Variants in ZFYVE9 observed in about 807,000 individuals in gnomAD.
ZFYVE9 encodes the protein zinc finger FYVE domain-containing protein 9.
A neutral mutation model predicts 126.7 loss-of-function variants in ZFYVE9; 43 were observed. The observed-to-expected ratio is 0.34, with a 90% CI of 0.27 to 0.44. ZFYVE9 has a LOEUF of 0.44. ZFYVE9 is among the 20% of genes least tolerant of loss of function. The pLI is 1.00. For synonymous variants in ZFYVE9, 521 were observed against 597.4 expected, an observed-to-expected ratio of 0.87 and a Z score of 1.87; for missense variants, 1,476 against 1,697.0, an observed-to-expected ratio of 0.87 and a Z score of 2.29.
At chr1:52,155,320 G>A (rs553365159) in intron 1 of ZFYVE9, among the ~76,000 whole-genome samples, 66 of 145,128 alleles carry the variant, frequency 4.5e-4, no homozygotes, top group African/African-American at 1.4e-3. Context: ...TGCAGGCTCC[G>A]CCCCCCGGGG....
intron 1 of ZFYVE9, among the ~76,000 whole-genome samples, chr1:52,181,966 G>A (rs1006324318): frequency 6.6e-6 from 1 of 150,578 alleles, no homozygotes; most frequent in South Asian, 2.1e-4. Flanking sequence ...GTCAGCCACC[G>A]CCAGGCCAGC....
At chr1:52,261,853 G>C (rs968842349) in intron 4 of ZFYVE9, among the ~76,000 whole-genome samples, 4 of 152,070 alleles carry the variant, frequency 2.6e-5, no homozygotes, top group African/African-American at 9.7e-5. Context: ...GACTGGATGT[G>C]GTCATGGCGA....
At chr1:52,264,638 A>G (rs1409247129) in intron 5 of ZFYVE9, among the ~76,000 whole-genome samples, 2 of 152,250 alleles carry the variant, frequency 1.3e-5, no homozygotes, top group Non-Finnish European at 2.9e-5. Flanking sequence ...ACTAATAGAC[A>G]TAAAATGTTG....
intron 1 of ZFYVE9, among the ~76,000 whole-genome samples, chr1:52,183,974 G>A (rs769642920): frequency 2.0e-5 from 3 of 150,718 alleles, no homozygotes; most frequent in Non-Finnish European, 4.4e-5. Flanking sequence ...GATTACAGGC[G>A]TGAGCCACCG....
chr1:52,338,992 A>G, intron 16 of ZFYVE9, among the ~76,000 whole-genome samples: 1 of 152,214 alleles, frequency 6.6e-6, no homozygotes. Context: ...CCTGGACAAC[A>G]AGAGCGAAAC....
At chr1:52,235,472 T>C (rs569868169) in intron 3 of ZFYVE9, among the ~76,000 whole-genome samples, 3 of 152,286 alleles carry the variant, frequency 2.0e-5, no homozygotes, top group South Asian at 4.1e-4. Context: ...ATTGGAAATA[T>C]GACTTATTTG....
chr1:52,332,607 A>G (rs557164900), intron 13 of ZFYVE9, among the ~76,000 whole-genome samples, 161 bp from the exon 14 acceptor site: 1 of 152,320 alleles, frequency 6.6e-6, no homozygotes, highest in Admixed American at 6.5e-5. Context: ...TTGATTTGTT[A>G]ATGGTGACAT....
intron 1 of ZFYVE9, among the ~76,000 whole-genome samples, chr1:52,173,708 A>G (rs1345459530): frequency 1.3e-5 from 2 of 152,032 alleles, no homozygotes; most frequent in Admixed American, 6.6e-5. Context: ...CAGAGATTCA[A>G]CTTCTTCCTG....
Position 52,142,705 on chromosome 1 carries a change from G to A in ZFYVE9, c.-143+302G>A, listed in dbSNP as rs1644271198. Among the ~76,000 whole-genome samples, 1 of 152,156 alleles carries A rather than the reference G, an allele frequency of 6.6e-6. No homozygotes were observed. The highest frequency in any genetic ancestry group is 1.5e-5 in the Non-Finnish European group (1 of 67,996). Reference sequence around the variant, plus strand: ...GCCTTTCGGGTTTGCATGGGCCCGGGCCGAGCGCAGCCTCTTAGCCCGGGC... The same window carrying A: ...GCCTTTCGGGTTTGCATGGGCCCGGACCGAGCGCAGCCTCTTAGCCCGGGC... On this transcript the variant is annotated intron_variant, in intron 1 of 18. Coordinates refer to ENST00000287727, the MANE Select transcript of ZFYVE9 (RefSeq NM_004799.4). This position sits in a 1 kb window ranked among gnomAD's most constrained non-coding sequence, Gnocchi z 4.5.
intron 1 of ZFYVE9, among the ~76,000 whole-genome samples, chr1:52,197,305 G>C (rs1317292713): frequency 6.6e-6 from 1 of 152,118 alleles, no homozygotes; most frequent in African/African-American, 2.4e-5. Flanking sequence ...AGAGAATAGA[G>C]AAGAAAACAT....
chr1:52,190,871 T>A (rs1644810064), intron 1 of ZFYVE9, among the ~76,000 whole-genome samples: 1 of 152,232 alleles, frequency 6.6e-6, no homozygotes, highest in African/African-American at 2.4e-5. Flanking sequence ...CAACCAAGTC[T>A]TAAACTATAT....
chr1:52,277,934 A>G (rs1304984582), intron 8 of ZFYVE9, among the ~76,000 whole-genome samples: 1 of 152,212 alleles, frequency 6.6e-6, no homozygotes, highest in Non-Finnish European at 1.5e-5. Context: ...AATTATACTT[A>G]AAGGAATTGT....
chr1:52,307,701 G>A (rs955222318), intron 13 of ZFYVE9, among the ~76,000 whole-genome samples: 3 of 150,718 alleles, frequency 2.0e-5, no homozygotes, highest in East Asian at 1.9e-4. Context: ...TATGGATTAT[G>A]TATCAGGTCT....
At position 52,238,278 on chromosome 1, in the gene ZFYVE9, T is replaced by C; in HGVS notation, c.861T>C (p.Tyr287=). ...GCPAVKKQEN[Y]IPDEDLTGKI... ...CTGCTGTTAAAAAGCAAGAGAACTATATACCAGATGAGGACCTCACTGGCA... is the reference window on the plus strand; with the variant it reads ...CTGCTGTTAAAAAGCAAGAGAACTACATACCAGATGAGGACCTCACTGGCA... The change falls in exon 4 of 19, where the codon TAT becomes TAC. Residue 287 remains tyrosine (Y), a synonymous_variant. Transcript: ENST00000287727. 1 of 1,614,012 alleles carries C rather than the reference T, an allele frequency of 6.2e-7. No individual in the cohort carries two copies. Among genetic ancestry groups the C allele is most frequent in the Non-Finnish European group, 8.5e-7 (1 of 1,179,972 alleles).
chr1:52,229,740 C>A (rs1169097052), intron 2 of ZFYVE9, among the ~76,000 whole-genome samples: 1 of 152,180 alleles, frequency 6.6e-6, no homozygotes, highest in Non-Finnish European at 1.5e-5. Context: ...GACAAATAAT[C>A]ACACTGATGT....
intron 1 of ZFYVE9, among the ~76,000 whole-genome samples, chr1:52,168,706 A>G (rs889244032): frequency 4.6e-5 from 7 of 151,594 alleles, no homozygotes; most frequent in African/African-American, 1.7e-4. Flanking sequence ...TGTAGAGACA[A>G]GGTCTTCCTA....
intron 1 of ZFYVE9, chr1:52,180,567 T>C: frequency 1.6e-6 from 1 of 637,878 alleles, no homozygotes; most frequent in Non-Finnish European, 2.8e-6. Context: ...CTGCAGCTGC[T>C]ATCACTTTCT....
chr1:52,288,372 C>CA (rs1243134262), intron 10 of ZFYVE9, among the ~76,000 whole-genome samples: 2 of 152,182 alleles, frequency 1.3e-5, no homozygotes, highest in African/African-American at 2.4e-5. Context: ...ATAGCACACT[C>CA]ACTGCAGCCT....
At chr1:52,328,192 A>G (rs1646309918) in intron 13 of ZFYVE9, among the ~76,000 whole-genome samples, 1 of 152,152 alleles carries the variant, frequency 6.6e-6, no homozygotes. Context: ...ATAAGTACGA[A>G]AACATTGTAT....
Sources: allele counts gnomAD v4.1 joint callset (sites outside exome capture counted in the v4.1 genomes callset), GRCh38; gene constraint gnomAD v4.1.1; non-coding constraint Gnocchi (gnomAD v3.1); transcripts MANE v1.5; gene names NCBI Gene and HGNC (gene_info 2026-07-23, HGNC 2026-07-21).